Variants in BAIAP3 observed in about 807,000 individuals in gnomAD.
The protein encoded by BAIAP3 is BAI1 associated protein 3.
Under a neutral mutation model 149.7 loss-of-function variants are expected in BAIAP3, and 180 were observed. The observed-to-expected ratio is 1.20, with a 90% CI of 1.07 to 1.36. The LOEUF is 1.36. BAIAP3 is among the 40% of genes most tolerant of loss of function. BAIAP3 has a pLI of 0.00. For missense variants in BAIAP3, 1,767 were observed against 1,563.4 expected, an observed-to-expected ratio of 1.13 and a Z score of -2.20; for synonymous variants, 845 against 670.7, an observed-to-expected ratio of 1.26 and a Z score of -4.02.
rs1450780606 is a variant in BAIAP3 at position 1,341,212 on chromosome 16, C to A, written c.535+17C>A. The A allele has an allele frequency of 1.2e-6, 2 of 1,610,512 alleles. No individual in the cohort carries two copies. The highest frequency in any genetic ancestry group is 1.7e-6 in the Non-Finnish European group (2 of 1,178,924). ...ACCCCAACGGTGAGTGGGGACCCAG[C>A]AGACCTCGGCTGCGCCGAGGCCTGG... is the stretch of plus-strand genomic sequence containing the variant. On this transcript the variant is annotated intron_variant, in intron 7 of 33. Transcript: ENST00000426824.
chr16:1,342,684 G>A (rs766812662), intron 12 of BAIAP3, 35 bp from the exon 13 acceptor site: 1 of 1,611,306 alleles, frequency 6.2e-7, no homozygotes, highest in Non-Finnish European at 8.5e-7. Flanking sequence ...TGGGGCGGGG[G>A]CAGAGCTGGT....
In BAIAP3 at chr16:1,348,680, A is replaced by T. The variant is rs2034561117; in HGVS notation, c.*198A>T. The T allele has an allele frequency of 1.6e-6, 1 of 615,596 alleles. No homozygotes were observed. The highest frequency in any genetic ancestry group is 2.8e-6 in the Non-Finnish European group (1 of 351,248). The allele number at this position is 615,596 out of a possible 1,614,324, so 38.1% of individuals were successfully genotyped here. Reference sequence around the variant, plus strand: ...TGTGTGCTGTGAACCCCTGCACCCAACCCCACATCTGGGTGGCCAACTTGG... The same window carrying T: ...TGTGTGCTGTGAACCCCTGCACCCATCCCCACATCTGGGTGGCCAACTTGG... On this transcript the variant is annotated 3_prime_UTR_variant, in exon 34 of 34. Transcript: ENST00000426824.
intron 19 of BAIAP3, 37 bp downstream of exon 19, chr16:1,344,735 G>T: frequency 6.3e-7 from 1 of 1,588,412 alleles, no homozygotes; most frequent in Non-Finnish European, 8.5e-7. Flanking sequence ...TGGGGCTGGG[G>T]TCGGAGCCAA....
chr16:1,339,696 G>C, intron 5 of BAIAP3, 93 bp downstream of exon 5: 1 of 1,013,222 alleles, frequency 9.9e-7, no homozygotes, highest in Non-Finnish European at 1.5e-6. Context: ...CAAACAGTAT[G>C]CAGAATCTCC....
rs2034009926 is a variant in BAIAP3 at position 1,342,733 on chromosome 16, G to A, written c.1080G>A (p.Met360Ile). Reference protein sequence around the residue: ...KLITTQRDTAMSQRGRSGFLS... With the variant: ...KLITTQRDTAISQRGRSGFLS... ...CTGCGTTGCAGAGGGATACGGCCAT[G>A]AGCCAGCGCGGGCGATCCGGCTTCC... Residue 360 changes from methionine (M) to isoleucine (I), a missense_variant, in exon 13 of 34, where the codon ATG (methionine) becomes ATA (isoleucine). Transcript: ENST00000426824. The A allele has an allele frequency of 1.9e-6, 3 of 1,612,494 alleles. No homozygotes were observed. Among genetic ancestry groups the A allele is most frequent in the Admixed American group, 1.7e-5 (1 of 60,024 alleles).
rs370422348 is a variant in BAIAP3 at position 1,338,681 on chromosome 16, G to A, written c.131+1G>A. The A allele has an allele frequency of 3.9e-5, 61 of 1,577,678 alleles. No homozygotes were observed. The highest frequency in any genetic ancestry group is 4.7e-5 in the Non-Finnish European group (55 of 1,163,840). ...CGCAGGAGCCTGCCACGGGGGCCTGGTGGGTGCCGAGGGGCCCAGCCCCAC... is the reference window on the plus strand; with the variant it reads ...CGCAGGAGCCTGCCACGGGGGCCTGATGGGTGCCGAGGGGCCCAGCCCCAC... On this transcript the variant is annotated splice_donor_variant, in intron 2 of 33. Coordinates refer to ENST00000426824, the MANE Select transcript of BAIAP3 (RefSeq NM_001199097.2). LOFTEE classifies it high-confidence loss of function.
Position 1,345,829 on chromosome 16 carries a change from G to A in BAIAP3, c.2147G>A (p.Trp716Ter). 1 of 1,579,506 alleles carries A rather than the reference G, an allele frequency of 6.3e-7. No homozygotes were observed. Among genetic ancestry groups the A allele is most frequent in the Non-Finnish European group, 8.6e-7 (1 of 1,165,290 alleles). The change falls in exon 23 of 34, where the codon TGG becomes TAG. Residue 716 changes from tryptophan (W) to a stop codon, truncating the protein, a stop_gained. Coordinates refer to ENST00000426824, the MANE Select transcript of BAIAP3 (RefSeq NM_001199097.2). LOFTEE classifies it high-confidence loss of function. ...TGCCTCAGCCACATCCAGGAGTTGTGGGTGCGCCTGGCGTGGCCTGACCCT... is the reference window on the plus strand; with the variant it reads ...TGCCTCAGCCACATCCAGGAGTTGTAGGTGCGCCTGGCGTGGCCTGACCCT... ...GLCLSHIQEL[W>*]VRLAWPDPAQ...
chr16:1,349,334 T>C lies in BAIAP3; in HGVS notation c.*852T>C. ...GGGGAGAACCCGGACAGCTCAGTCC[T>C]GCCAGCAGCCGCAAAGAGCCGAGGC... On this transcript the variant is annotated 3_prime_UTR_variant, in exon 34 of 34. Transcript: ENST00000426824. 4.5e-6 allele frequency: 6 copies of C among 1,344,824 alleles called. No individual in the cohort carries two copies. The highest frequency in any genetic ancestry group is 6.4e-6 in the Non-Finnish European group (6 of 936,866). The allele number at this position is 1,344,824 out of a possible 1,614,324, so 83.3% of individuals were successfully genotyped here.
In BAIAP3 at chr16:1,340,964, C is replaced by G. The variant is rs778671265; in HGVS notation, c.451C>G (p.Arg151Gly). The change falls in exon 6 of 34, where the codon CGA (arginine) becomes GGA (glycine). Residue 151 changes from arginine (R) to glycine (G), a missense_variant. Transcript: ENST00000426824. ...TGAGGAGCACACTGAGGCCATCGAG[C>G]GAGTGAGGAAGGCCAAGGTGAGGCC... ...SLEEHTEAIE[R>G]VRKAKAPTYA... 6.3e-7 allele frequency: 1 copy of G among 1,591,176 alleles called. No homozygotes were observed. Among genetic ancestry groups the G allele is most frequent in the South Asian group, 1.1e-5 (1 of 88,484 alleles).
At position 1,345,339 on chromosome 16, in the gene BAIAP3, G is replaced by A. The variant is rs779652173; in HGVS notation, c.2031G>A (p.Lys677=). The A allele has an allele frequency of 2.5e-6, 4 of 1,612,952 alleles. No homozygotes were observed. Among genetic ancestry groups the A allele is most frequent in the Middle Eastern group, 1.7e-4 (1 of 6,060 alleles). The change falls in exon 22 of 34, where the codon AAG becomes AAA. Residue 677 remains lysine (K), a synonymous_variant. Coordinates refer to ENST00000426824, the MANE Select transcript of BAIAP3 (RefSeq NM_001199097.2). ...TCCAAGTGCTGAGGGACCAGGCCAA[G>A]TGGAGGCTTCAGGGAGCCGTGGACA... The part of the protein sequence containing the change: ...LWFQVLRDQA[K]WRLQGAVDMD...
chr16:1,342,660 T>C, intron 12 of BAIAP3, 26 bp downstream of exon 12: 1 of 1,607,400 alleles, frequency 6.2e-7, no homozygotes, highest in Non-Finnish European at 8.5e-7. Context: ...GTCCCCGTCC[T>C]CCACCCCCGT....
In BAIAP3 at chr16:1,348,290, C is replaced by G; in HGVS notation, c.3344C>G (p.Pro1115Arg). 1 of 1,600,262 alleles carries G rather than the reference C, an allele frequency of 6.2e-7. No individual in the cohort carries two copies. The highest frequency in any genetic ancestry group is 1.7e-4 in the Middle Eastern group (1 of 6,024). ...GQPVTLHLCRPRAQVRSALRR... is the reference protein window; with the variant it reads ...GQPVTLHLCRRRAQVRSALRR... ...CCTGTCACCCTGCACCTGTGCCGGC[C>G]CAGAGCCCAGGGTGAGTGAGCATCT... The change falls in exon 33 of 34, where the codon CCC becomes CGC. Residue 1115 changes from proline to arginine, a missense_variant. Physicochemically the swap from Pro to Arg is moderately radical, Grantham distance 103 (BLOSUM62 -2). Coordinates refer to ENST00000426824, the MANE Select transcript of BAIAP3 (RefSeq NM_001199097.2).
chr16:1,346,406 C>A (rs1302934050), intron 25 of BAIAP3, 36 bp from the exon 26 acceptor site: 3 of 1,611,418 alleles, frequency 1.9e-6, no homozygotes, highest in East Asian at 2.2e-5. Context: ...GTCCCTGGTG[C>A]CCCCTGCCCG....
chr16:1,343,497 C>G lies in BAIAP3; in HGVS notation c.1370C>G (p.Ser457Ter). 1 of 1,605,710 alleles carries G rather than the reference C, an allele frequency of 6.2e-7. No individual in the cohort carries two copies. The highest frequency in any genetic ancestry group is 8.5e-7 in the Non-Finnish European group (1 of 1,177,672). Residue 457 changes from serine to a stop codon, truncating the protein, a stop_gained, in exon 15 of 34, where the codon TCA (serine) becomes TGA (stop). Coordinates refer to ENST00000426824, the MANE Select transcript of BAIAP3 (RefSeq NM_001199097.2). LOFTEE classifies it high-confidence loss of function. Reference sequence around the variant, plus strand: ...CAGGCACACTGGGAAGAGGCTCCTTCACTGCCCCAGGAGCAGGTGGGTGCA... The same window carrying G: ...CAGGCACACTGGGAAGAGGCTCCTTGACTGCCCCAGGAGCAGGTGGGTGCA... The part of the protein sequence containing the change: ...DMQAHWEEAP[S>*]LPQEQEESLA...
chr16:1,342,143 G>A (rs2033965371), intron 10 of BAIAP3, 38 bp from the exon 11 acceptor site: 6 of 1,576,384 alleles, frequency 3.8e-6, no homozygotes, highest in Non-Finnish European at 5.2e-6. Context: ...GGCTCCCCAG[G>A]AGCCATCAGC....
intron 8 of BAIAP3, 126 bp from the exon 9 acceptor site, chr16:1,341,696 G>A: frequency 1.6e-6 from 2 of 1,223,430 alleles, no homozygotes; most frequent in Non-Finnish European, 1.1e-6. Context: ...TCAGGATTTG[G>A]ACCTGAACAG....
Position 1,348,596 on chromosome 16 carries a change from G to A in BAIAP3, c.*114G>A. ...GGGCCCACGGCGCCCCTCCTGTGCT[G>A]TGACGTGTGTGTCGTGGCTGGCCCC... is the stretch of plus-strand genomic sequence containing the variant. On this transcript the variant is annotated 3_prime_UTR_variant, in exon 34 of 34. Coordinates refer to ENST00000426824, the MANE Select transcript of BAIAP3 (RefSeq NM_001199097.2). 9.6e-7 allele frequency: 1 copy of A among 1,042,998 alleles called. No individual in the cohort carries two copies. Among genetic ancestry groups the A allele is most frequent in the Non-Finnish European group, 1.4e-6 (1 of 703,212 alleles). 64.6% of individuals were successfully genotyped at this position (1,042,998 alleles called of 1,614,324 possible). A position where few individuals can be genotyped will look rare whatever the true frequency, so the allele number is the denominator to read the frequency against.
rs749521546 is a variant in BAIAP3, at chr16:1,343,431, C to A, written c.1304C>A (p.Thr435Lys). 1 of 1,579,908 alleles carries A rather than the reference C, an allele frequency of 6.3e-7. No homozygotes were observed. ...QVSSRHHQTC[T>K]LDYSYLLGLL... ...AGCAGCCGCCACCATCAAACCTGCA[C>A]GCTGGACTACAGCTACCTGCTGGGG... The change falls in exon 15 of 34, where the codon ACG (threonine) becomes AAG (lysine). Residue 435 changes from threonine (T) to lysine (K), a missense_variant. Thr to Lys is a moderately conservative substitution (Grantham distance 78). Transcript: ENST00000426824.
Position 1,341,180 on chromosome 16 carries a change from G to A in BAIAP3, c.520G>A (p.Ala174Thr). The change falls in exon 7 of 34, where the codon GCC becomes ACC. Residue 174 changes from alanine to threonine, a missense_variant. Coordinates refer to ENST00000426824, the MANE Select transcript of BAIAP3 (RefSeq NM_001199097.2). ...TGTCATGCGTGCCAAGAACCTTCTG[G>A]CCAAGGACCCCAACGGTGAGTGGGG... ...VSVMRAKNLL[A>T]KDPNGFSDPY... 6.2e-7 allele frequency: 1 copy of A among 1,612,710 alleles called. No individual in the cohort carries two copies. The highest frequency in any genetic ancestry group is 8.5e-7 in the Non-Finnish European group (1 of 1,179,848).
Sources: gnomAD v4.1 joint callset for allele counts on GRCh38, gnomAD v4.1.1 for gene constraint, MANE v1.5 for transcripts, NCBI Gene and HGNC (gene_info 2026-07-23, HGNC 2026-07-21) for gene names.